The following CHUK variants were observed in gnomAD, a reference collection of about 807,000 sequenced individuals.
CHUK encodes component of inhibitor of nuclear factor kappa B kinase complex.
A neutral mutation model predicts 104.8 loss-of-function variants in CHUK; 35 were observed. The observed-to-expected ratio is 0.33, with a 90% CI of 0.26 to 0.44. CHUK has a LOEUF of 0.44. Among genes scored for constraint, CHUK ranks in the 20% least tolerant of loss-of-function variants. The probability of loss-of-function intolerance (pLI) is 1.00; values close to 1 mark genes in which losing one functional copy is unlikely to be tolerated. For synonymous variants in CHUK, 276 were observed against 291.9 expected, an observed-to-expected ratio of 0.95 and a Z score of 0.56; for missense variants, 663 against 902.7, an observed-to-expected ratio of 0.73 and a Z score of 3.40.
chr10:100,212,782 A>G (rs532970087), intron 9 of CHUK, among the ~76,000 whole-genome samples: 1 of 152,186 alleles, frequency 6.6e-6, no homozygotes, highest in Non-Finnish European at 1.5e-5. Flanking sequence ...AGACAAGTAG[A>G]TCACTTAAGG....
At chr10:100,200,581 G>T in intron 15 of CHUK, 90 bp downstream of exon 15, 1 of 758,710 alleles carries the variant, frequency 1.3e-6, no homozygotes, top group African/African-American at 1.7e-5. Context: ...CTATAGAAAA[G>T]AACCACTAGA....
At chr10:100,196,789 C>A (rs377549865) in intron 16 of CHUK, among the ~76,000 whole-genome samples, 1 of 152,116 alleles carries the variant, frequency 6.6e-6, no homozygotes, top group Non-Finnish European at 1.5e-5. Context: ...TCTATGAGGT[C>A]GTCACCTCTT....
intron 17 of CHUK, 118 bp from the exon 18 acceptor site, chr10:100,194,249 C>A (rs960618038): frequency 1.7e-6 from 2 of 1,198,976 alleles, no homozygotes; most frequent in Non-Finnish European, 2.4e-6. Flanking sequence ...GACTTATCTC[C>A]AAAGTAATGC....
chr10:100,198,414 A>G (rs1177436396), intron 16 of CHUK, among the ~76,000 whole-genome samples: 1 of 152,272 alleles, frequency 6.6e-6, no homozygotes, highest in Non-Finnish European at 1.5e-5. Flanking sequence ...TTTGTAAGTG[A>G]AACTGTCATT....
intron 1 of CHUK, 49 bp from the exon 2 acceptor site, chr10:100,226,066 GA>G: frequency 9.3e-7 from 1 of 1,080,450 alleles, no homozygotes. Context: ...TTCTTGTGAA[GA>G]TTTATTTGCT....
In CHUK at chr10:100,207,067, C is replaced by T. The variant is rs17883729; in HGVS notation, c.1231+163G>A. Among the ~76,000 whole-genome samples, 9,500 of 152,222 alleles carry T rather than the reference C, an allele frequency of 0.062. 339 individuals carry two copies. Among genetic ancestry groups the T allele is most frequent in the African/African-American group, 0.095 (3,949 of 41,522 alleles). On this transcript the variant is annotated intron_variant, in intron 11 of 20. Transcript: ENST00000370397. ...AATATCTACCTTTTCACCTTCCAAA[C>T]TATATAAATCCATTTTTCAGAGTTC...
downstream of CHUK, chr10:100,186,586 C>T (rs1349387097): frequency 1.3e-5 from 2 of 152,282 alleles, no homozygotes; most frequent in African/African-American, 2.4e-5. Context: ...TTGCTAAGCA[C>T]ATGGGGCGGG....
intron 14 of CHUK, 71 bp downstream of exon 14, chr10:100,202,016 CA>C (rs1247904479): frequency 8.4e-7 from 1 of 1,188,786 alleles, no homozygotes; most frequent in African/African-American, 1.5e-5. Flanking sequence ...CTTTATATAT[CA>C]AAACCAAAGA....
intron 15 of CHUK, 108 bp from the exon 16 acceptor site, chr10:100,200,128 G>A: frequency 1.2e-6 from 1 of 846,428 alleles, no homozygotes; most frequent in Non-Finnish European, 2.1e-6. Context: ...TTTAAAGCAA[G>A]TTCATATTGC....
intron 19 of CHUK, chr10:100,192,973 G>T (rs911540143): frequency 3.1e-6 from 1 of 322,354 alleles, no homozygotes; most frequent in Non-Finnish European, 5.8e-6. Flanking sequence ...GCCAATAAAA[G>T]AAAGGACTTA....
At chr10:100,212,720 T>C (rs1845757647) in intron 9 of CHUK, among the ~76,000 whole-genome samples, 1 of 152,008 alleles carries the variant, frequency 6.6e-6, no homozygotes, top group South Asian at 2.1e-4. Flanking sequence ...AATACTAAAC[T>C]GAGGCTGGGC....
intron 12 of CHUK, 54 bp downstream of exon 12, chr10:100,205,022 C>A: frequency 3.1e-6 from 5 of 1,604,954 alleles, no homozygotes; most frequent in East Asian, 2.2e-5. Flanking sequence ...AAGATTAATT[C>A]TTGAGTATAT....
intron 13 of CHUK, among the ~76,000 whole-genome samples, chr10:100,203,970 G>A (rs1653258311): frequency 6.6e-6 from 1 of 152,166 alleles, no homozygotes; most frequent in Non-Finnish European, 1.5e-5. Flanking sequence ...GCAGATTTGA[G>A]GGCCTGCTTT....
intron 13 of CHUK, among the ~76,000 whole-genome samples, chr10:100,203,897 T>C (rs888355824): frequency 4.6e-5 from 7 of 152,200 alleles, no homozygotes; most frequent in African/African-American, 1.7e-4. Flanking sequence ...ATAGACTAAG[T>C]GCCATAAAAA....
chr10:100,192,751 A>C (rs1845233709), intron 19 of CHUK: 1 of 987,398 alleles, frequency 1.0e-6, no homozygotes, highest in African/African-American at 1.7e-5. Flanking sequence ...GTAGGAATTA[A>C]TAAAATATAG....
intron 14 of CHUK, 97 bp downstream of exon 14, chr10:100,201,991 G>T: frequency 1.1e-6 from 1 of 902,006 alleles, no homozygotes; most frequent in Non-Finnish European, 1.8e-6. Flanking sequence ...TTTCAGGAAT[G>T]ACATGAAAAA....
In CHUK at chr10:100,204,489, A is replaced by C. The variant is rs199531029; in HGVS notation, c.1507+17T>G. ...GAAACCAGATGCTCCTTTCAAATAC[A>C]TTACACAGACACTTACATATCCCAT... On this transcript the variant is annotated intron_variant, in intron 13 of 20. Coordinates refer to ENST00000370397, the MANE Select transcript of CHUK (RefSeq NM_001278.5). 6.2e-7 allele frequency: 1 copy of C among 1,609,736 alleles called. No homozygotes were observed. Among genetic ancestry groups the C allele is most frequent in the African/African-American group, 1.3e-5 (1 of 74,836 alleles).
intron 12 of CHUK, 78 bp downstream of exon 12, chr10:100,204,998 T>C (rs1159348732): frequency 6.6e-7 from 1 of 1,508,586 alleles, no homozygotes; most frequent in Non-Finnish European, 9.2e-7. Context: ...CAATATTGAT[T>C]AGTGAAAACC....
intron 14 of CHUK, among the ~76,000 whole-genome samples, chr10:100,201,316 C>T (rs563955381): frequency 3.9e-5 from 6 of 152,226 alleles, no homozygotes; most frequent in African/African-American, 9.6e-5. Context: ...AAATCTGCCA[C>T]CTAGAGAATG....
Sources: allele counts gnomAD v4.1 joint callset (sites outside exome capture counted in the v4.1 genomes callset), GRCh38; gene constraint gnomAD v4.1.1; transcripts MANE v1.5; gene names NCBI Gene and HGNC (gene_info 2026-07-23, HGNC 2026-07-21).